MARK1: variants seen among roughly 807,000 people sequenced by gnomAD.
The protein encoded by MARK1 is serine/threonine-protein kinase MARK1.
MARK1 carries 40 observed loss-of-function variants against 96.3 expected under a neutral mutation model. The observed-to-expected ratio is 0.42, with a 90% CI of 0.32 to 0.54. The LOEUF is 0.54. Ranked by LOEUF, MARK1 falls within the 20% of genes least tolerant of loss-of-function variation. The pLI is 0.16. For missense variants in MARK1, 719 were observed against 984.6 expected, an observed-to-expected ratio of 0.73 and a Z score of 3.61; for synonymous variants, 317 against 341.2, an observed-to-expected ratio of 0.93 and a Z score of 0.78.
At chr1:220,566,929 C>T (rs1179596028) in intron 1 of MARK1, among the ~76,000 whole-genome samples, 2 of 151,984 alleles carry the variant, frequency 1.3e-5, no homozygotes, top group African/African-American at 2.4e-5. Flanking sequence ...ACTTAATAGT[C>T]TTTTGTTTAA....
intron 9 of MARK1, chr1:220,626,891 T>C (rs1667374211): frequency 4.1e-6 from 2 of 490,588 alleles, no homozygotes; most frequent in Middle Eastern, 4.3e-4. Flanking sequence ...AACCTGCCTA[T>C]GCTGATGCTG....
At chr1:220,659,627 A>G (rs1036540098) in intron 17 of MARK1, among the ~76,000 whole-genome samples, 8 of 152,194 alleles carry the variant, frequency 5.3e-5, no homozygotes, top group Non-Finnish European at 1.2e-4. Context: ...GGAGCTTTCT[A>G]CAATGGACAT....
At chr1:220,532,080 C>T (rs1255570165) in intron 1 of MARK1, among the ~76,000 whole-genome samples, 1 of 152,000 alleles carries the variant, frequency 6.6e-6, no homozygotes, top group African/African-American at 2.4e-5. Context: ...GCCTAGCTTT[C>T]TGTGATGAAA....
chr1:220,657,751 A>T (rs376385052), intron 16 of MARK1, 39 bp from the exon 17 acceptor site: 1 of 1,461,230 alleles, frequency 6.8e-7, no homozygotes, highest in Non-Finnish European at 9.2e-7. Context: ...TATATTTTTT[A>T]CTTTTATCAT....
At chr1:220,598,058 G>C (rs1207184596) in intron 3 of MARK1, among the ~76,000 whole-genome samples, 3 of 152,132 alleles carry the variant, frequency 2.0e-5, no homozygotes, top group Admixed American at 6.5e-5. Flanking sequence ...ACTGTGTATA[G>C]TGTATTCACA....
At chr1:220,631,188 C>T (rs1558310713) in intron 10 of MARK1, 54 bp downstream of exon 10, 1 of 1,162,932 alleles carries the variant, frequency 8.6e-7, no homozygotes, top group Non-Finnish European at 1.3e-6. Flanking sequence ...AGTAAGAGTC[C>T]TTTAGTGTGC....
At chr1:220,580,012 C>G (rs1664126302) in intron 2 of MARK1, among the ~76,000 whole-genome samples, 1 of 151,948 alleles carries the variant, frequency 6.6e-6, no homozygotes, top group African/African-American at 2.4e-5. Context: ...AATTGGATTT[C>G]TAAAATCTCG....
At chr1:220,539,499 A>G (rs1486945103) in intron 1 of MARK1, among the ~76,000 whole-genome samples, 4 of 152,128 alleles carry the variant, frequency 2.6e-5, no homozygotes, top group Non-Finnish European at 4.4e-5. Flanking sequence ...TTTTGCATCA[A>G]TGTTCTTTTT....
At chr1:220,569,933 T>A (rs868043866) in intron 1 of MARK1, among the ~76,000 whole-genome samples, 1 of 152,062 alleles carries the variant, frequency 6.6e-6, no homozygotes, top group Non-Finnish European at 1.5e-5. Flanking sequence ...CTGTATCTAA[T>A]GGAATTATTG....
chr1:220,643,915 G>A (rs2103034611), intron 13 of MARK1, among the ~76,000 whole-genome samples: 1 of 152,256 alleles, frequency 6.6e-6, no homozygotes, highest in Non-Finnish European at 1.5e-5. Flanking sequence ...GCTCCTGAAG[G>A]AAGTACTAAA....
intron 3 of MARK1, among the ~76,000 whole-genome samples, chr1:220,597,086 T>C (rs1006554039): frequency 1.3e-5 from 2 of 152,178 alleles, no homozygotes; most frequent in African/African-American, 4.8e-5. Context: ...TATTCCATTG[T>C]TTGTATAGAC....
At chr1:220,548,438 G>A (rs750883534) in intron 1 of MARK1, among the ~76,000 whole-genome samples, 1 of 152,118 alleles carries the variant, frequency 6.6e-6, no homozygotes, top group Non-Finnish European at 1.5e-5. Context: ...CAAATGTAAT[G>A]ATTTAGAGAA....
At chr1:220,650,025 A>C (rs1386349370) in intron 13 of MARK1, among the ~76,000 whole-genome samples, 1 of 152,098 alleles carries the variant, frequency 6.6e-6, no homozygotes, top group African/African-American at 2.4e-5. Context: ...GGCTCCTCAG[A>C]CTTGGCCTGC....
At chr1:220,632,426 A>G (rs896829066) in intron 11 of MARK1, 113 bp downstream of exon 11, 1 of 476,160 alleles carries the variant, frequency 2.1e-6, no homozygotes, top group Non-Finnish European at 3.7e-6. Flanking sequence ...TAACATTCTT[A>G]TTTATTGGAA....
At chr1:220,588,051 T>C (rs1335992507) in intron 3 of MARK1, among the ~76,000 whole-genome samples, 4 of 152,234 alleles carry the variant, frequency 2.6e-5, no homozygotes, top group Non-Finnish European at 5.9e-5. Flanking sequence ...GCCAACACTT[T>C]ATATTACCAT....
At position 220,653,124 on chromosome 1, in the gene MARK1, C is replaced by A; in HGVS notation, c.1760C>A (p.Ala587Asp). 1.2e-5 allele frequency: 19 copies of A among 1,614,212 alleles called. No homozygotes were observed. The highest frequency in any genetic ancestry group is 1.6e-5 in the Non-Finnish European group (19 of 1,180,034). The change falls in exon 16 of 18, where the codon GCT becomes GAT. Residue 587 changes from alanine (A) to aspartate (D), a missense_variant. By Grantham distance (126) the Ala-to-Asp change is moderately radical. Transcript: ENST00000366917. The stretch of plus-strand genomic sequence containing the variant: ...AGTACAACCCAGAGAGTGCCTGCTG[C>A]TTCCCCATCTGCTCACAGTATTAGT... The part of the protein sequence containing the change: ...RPGTTQRVPA[A>D]SPSAHSISTA...
intron 1 of MARK1, among the ~76,000 whole-genome samples, chr1:220,554,693 G>A (rs903372625): frequency 6.6e-6 from 1 of 152,174 alleles, no homozygotes; most frequent in Non-Finnish European, 1.5e-5. Flanking sequence ...ACTGGAGTGT[G>A]TTGATTTGAT....
intron 3 of MARK1, among the ~76,000 whole-genome samples, chr1:220,596,926 C>T (rs1185978634): frequency 3.3e-5 from 5 of 152,140 alleles, no homozygotes; most frequent in Non-Finnish European, 5.9e-5. Context: ...ATGAATTTGA[C>T]GACTCCACTC....
Position 220,631,111 on chromosome 1 carries a change from A to C in MARK1, c.986A>C (p.Asp329Ala). The C allele has an allele frequency of 1.2e-6, 2 of 1,612,466 alleles. No individual in the cohort carries two copies. Among genetic ancestry groups the C allele is most frequent in the Non-Finnish European group, 1.7e-6 (2 of 1,178,772 alleles). The change falls in exon 10 of 18, where the codon GAT becomes GCT. Residue 329 changes from aspartate (D) to alanine (A), a missense_variant. This residue lies in a region of MARK1 where 501 missense variants were observed against 588.3 expected (regional missense o/e 0.85). Transcript: ENST00000366917. ...AAGCCATATACTGAGCCTGATCCGG[A>C]TTTCAATGACACAAAAAGAATAGGT... is the stretch of plus-strand genomic sequence containing the variant. ...ELKPYTEPDPDFNDTKRIDIM... is the reference protein window; with the variant it reads ...ELKPYTEPDPAFNDTKRIDIM...
Sources: allele counts gnomAD v4.1 joint callset (sites outside exome capture counted in the v4.1 genomes callset), GRCh38; gene constraint gnomAD v4.1.1; regional missense constraint gnomAD v4.1.1; transcripts MANE v1.5; gene names NCBI Gene and HGNC (gene_info 2026-07-23, HGNC 2026-07-21).